The following YWHAZ variants were observed in gnomAD, a reference collection of about 807,000 sequenced individuals.
The protein encoded by YWHAZ is tyrosine 3-monooxygenase/tryptophan 5-monooxygenase activation protein zeta, also known as 14-3-3 protein zeta/delta.
For synonymous variants in YWHAZ, 87 were observed against 103.6 expected (o/e 0.84, Z 0.97); for missense variants, 79 against 284.8 (o/e 0.28, Z 5.20).
In YWHAZ at chr8:100,917,083, T is replaced by C. The variant is rs1431555974; in HGVS notation, c.*3610A>G. 1 of 151,576 alleles carries C rather than the reference T, an allele frequency of 6.6e-6. No individual in the cohort carries two copies. 9.4% of individuals were successfully genotyped at this position (151,576 alleles called of 1,614,324 possible). On this transcript the variant is annotated 3_prime_UTR_variant, in exon 6 of 6. Coordinates refer to ENST00000395958, the MANE Select transcript of YWHAZ (RefSeq NM_145690.3). ...ACCATCATTGAGCATAGAGCACCAG[T>C]TTTCAAAGTCAAAGTTTCACTCTCC...
At position 100,926,529 on chromosome 8, in the gene YWHAZ, G is replaced by T. The variant is rs1327522866; in HGVS notation, c.295-1490C>A. On this transcript the variant is annotated intron_variant, in intron 2 of 5. Transcript: ENST00000395958. ...GCCTGTAATCCCAGCTGAGGCAGGA[G>T]AACTGCTTGAGCCCGAGAGATAGAG... Among the ~76,000 whole-genome samples, 2 of 152,192 alleles carry T rather than the reference G, an allele frequency of 1.3e-5. 1 individual carries two copies. The highest frequency in any genetic ancestry group is 4.8e-5 in the African/African-American group (2 of 41,440).
Position 100,951,986 on chromosome 8 carries a change from G to GGCGGCGGCAGCA in YWHAZ, c.-81_-70dup, listed in dbSNP as rs1415497763. Reference sequence around the variant, plus strand: ...ACGGGCTCAGCAGTCTCTGGGCGGCGGCGGCGGCAGCAGCGGCGAGGCTGA... The same window carrying GGCGGCGGCAGCA: ...ACGGGCTCAGCAGTCTCTGGGCGGCGGCGGCGGCAGCAGCGGCGGCAGCAGCGGCGAGGCTGA... On this transcript the variant is annotated 5_prime_UTR_variant, in exon 1 of 6. Transcript: ENST00000395958. 4.0e-6 allele frequency: 4 copies of GGCGGCGGCAGCA among 1,004,428 alleles called. No individual in the cohort carries two copies. Among genetic ancestry groups the GGCGGCGGCAGCA allele is most frequent in the Non-Finnish European group, 4.7e-6 (4 of 842,984 alleles). 62.2% of individuals were successfully genotyped at this position (1,004,428 alleles called of 1,614,324 possible).
At chr8:100,945,150 C>T (rs1316796353) in intron 2 of YWHAZ, among the ~76,000 whole-genome samples, 2 of 152,268 alleles carry the variant, frequency 1.3e-5, no homozygotes, top group South Asian at 2.1e-4. Flanking sequence ...GAAATTAACA[C>T]GTGGAAGAGA....
At chr8:100,952,229 G>A (rs1341854625), upstream of YWHAZ, 1 of 903,726 alleles carries the variant, frequency 1.1e-6, no homozygotes, top group Non-Finnish European at 1.3e-6. Flanking sequence ...GCGAGCGGAG[G>A]CGCGCGCGTC....
At chr8:100,943,448 A>G (rs1810019497) in intron 2 of YWHAZ, among the ~76,000 whole-genome samples, 1 of 152,212 alleles carries the variant, frequency 6.6e-6, no homozygotes. Flanking sequence ...ATATGCCAAG[A>G]GTAACTTATT....
upstream of YWHAZ, chr8:100,953,244 T>A: frequency 1.0e-6 from 1 of 985,374 alleles, no homozygotes; most frequent in Non-Finnish European, 1.2e-6. Flanking sequence ...CGTGAAGACC[T>A]CATACTGCAC....
intron 2 of YWHAZ, among the ~76,000 whole-genome samples, chr8:100,931,708 C>T (rs894378911): frequency 1.3e-5 from 2 of 152,064 alleles, no homozygotes; most frequent in Admixed American, 6.5e-5. Flanking sequence ...CAGCTCCCAA[C>T]CGAGAGTAGG....
rs180837759 is a variant in YWHAZ, at chr8:100,928,291, G to A, written c.295-3252C>T. On this transcript the variant is annotated intron_variant, in intron 2 of 5. Transcript: ENST00000395958. ...TGAGACTCCGTCTCAAAAAAAAAGA[G>A]TTGAGAAAGGCATAAATGGCCTACT... Among the ~76,000 whole-genome samples, 534 of 149,890 alleles carry A rather than the reference G, an allele frequency of 3.6e-3. 6 individuals carry two copies. The highest frequency in any genetic ancestry group is 0.012 in the African/African-American group (512 of 41,050).
chr8:100,947,281 T>C (rs1810370350), intron 2 of YWHAZ, among the ~76,000 whole-genome samples: 1 of 150,546 alleles, frequency 6.6e-6, no homozygotes, highest in African/African-American at 2.4e-5. Context: ...AAAAACAAAA[T>C]TTAAATATTC....
At chr8:100,931,534 A>G (rs977206720) in intron 2 of YWHAZ, among the ~76,000 whole-genome samples, 1 of 152,190 alleles carries the variant, frequency 6.6e-6, no homozygotes, top group Non-Finnish European at 1.5e-5. Flanking sequence ...TGTAATGCAA[A>G]TCGTATAAAC....
At chr8:100,923,932 T>G (rs1407794980) in intron 5 of YWHAZ, 23 bp downstream of exon 5, 1 of 1,580,636 alleles carries the variant, frequency 6.3e-7, no homozygotes, top group Non-Finnish European at 8.6e-7. Flanking sequence ...CATTCATCAC[T>G]AATGATGCTG....
Position 100,920,535 on chromosome 8 carries a change from T to C in YWHAZ, c.*158A>G. 1.4e-6 allele frequency: 1 copy of C among 712,530 alleles called. No individual in the cohort carries two copies. Among genetic ancestry groups the C allele is most frequent in the Non-Finnish European group, 2.3e-6 (1 of 428,154 alleles). 44.1% of individuals were successfully genotyped at this position (712,530 alleles called of 1,614,324 possible). A position where few individuals can be genotyped will look rare whatever the true frequency, so the allele number is the denominator to read the frequency against. ...GTTAACTGGCTCTACTCCCCTAATATTAAACATAAAAACCACATGGGAAAT... is the reference window on the plus strand; with the variant it reads ...GTTAACTGGCTCTACTCCCCTAATACTAAACATAAAAACCACATGGGAAAT... On this transcript the variant is annotated 3_prime_UTR_variant, in exon 6 of 6. Transcript: ENST00000395958.
At chr8:100,945,461 C>T (rs1810196905) in intron 2 of YWHAZ, among the ~76,000 whole-genome samples, 1 of 151,908 alleles carries the variant, frequency 6.6e-6, no homozygotes, top group Non-Finnish European at 1.5e-5. Flanking sequence ...TGCCACAAGC[C>T]AATACTATTA....
intron 2 of YWHAZ, among the ~76,000 whole-genome samples, chr8:100,934,529 C>T (rs192038573): frequency 7.2e-4 from 109 of 151,994 alleles, no homozygotes; most frequent in Non-Finnish European, 1.1e-3. Context: ...GGCGAAACTC[C>T]GTCTCTACTA....
intron 2 of YWHAZ, among the ~76,000 whole-genome samples, chr8:100,931,450 C>A (rs1439533690): frequency 6.6e-6 from 1 of 152,102 alleles, no homozygotes; most frequent in Non-Finnish European, 1.5e-5. Context: ...CCTAAACCAC[C>A]AAAACTGCTG....
rs1554611445 is a variant in YWHAZ at position 100,918,445 on chromosome 8, A to ATATATATATATATAT, written c.*2247_*2248insATATATATATATATA. 60 of 30,220 alleles carry ATATATATATATATAT rather than the reference A, an allele frequency of 2.0e-3. No individual in the cohort carries two copies. The highest frequency in any genetic ancestry group is 2.9e-3 in the Non-Finnish European group (37 of 12,564). 1.9% of individuals were successfully genotyped at this position (30,220 alleles called of 1,614,324 possible). On this transcript the variant is annotated 3_prime_UTR_variant, in exon 6 of 6. Transcript: ENST00000395958. ...ATATATATATATATATATATATATAATTATTTTACCTCCTTGGCTTGGGGG... is the reference window on the plus strand; with the variant it reads ...ATATATATATATATATATATATATAATATATATATATATATTTATTTTACCTCCTTGGCTTGGGGG...
At position 100,940,177 on chromosome 8, in the gene YWHAZ, T is replaced by C. The variant is rs796590299; in HGVS notation, c.294+8419A>G. Among the ~76,000 whole-genome samples the C allele has an allele frequency of 6.6e-5, 10 of 152,178 alleles. 1 individual carries two copies. Among genetic ancestry groups the C allele is most frequent in the African/African-American group, 2.2e-4 (9 of 41,512 alleles). On this transcript the variant is annotated intron_variant, in intron 2 of 5. Transcript: ENST00000395958. ...AAATTATTGACACTCACTGAAGGCGTTCCTCTTCTCCCCTCCCCCAGGATC... is the reference window on the plus strand; with the variant it reads ...AAATTATTGACACTCACTGAAGGCGCTCCTCTTCTCCCCTCCCCCAGGATC...
chr8:100,934,444 G>C (rs1813992063), intron 2 of YWHAZ, among the ~76,000 whole-genome samples: 1 of 151,888 alleles, frequency 6.6e-6, no homozygotes, highest in African/African-American at 2.4e-5. Flanking sequence ...GCTCACGCCT[G>C]TAATCCCACA....
At chr8:100,923,306 A>C (rs1290824018) in intron 5 of YWHAZ, 1 of 152,230 alleles carries the variant, frequency 6.6e-6, no homozygotes, top group Non-Finnish European at 1.5e-5. Flanking sequence ...GAATGAGAAG[A>C]CCTAAGAAAC....
Sources: gnomAD v4.1 joint callset for allele counts (sites outside exome capture counted in the v4.1 genomes callset) on GRCh38, gnomAD v4.1.1 for gene constraint, MANE v1.5 for transcripts, NCBI Gene and HGNC (gene_info 2026-07-23, HGNC 2026-07-21) for gene names.